The following TMEM38B variants were observed in gnomAD, a reference collection of about 807,000 sequenced individuals.
TMEM38B encodes trimeric intracellular cation channel type B.
A neutral mutation model predicts 28.7 loss-of-function variants in TMEM38B; 24 were observed. The ratio of observed to expected loss-of-function variants is 0.84; its 90% CI spans 0.61 to 1.18. The LOEUF is 1.18. TMEM38B is among the 50% of genes most tolerant of loss of function. The pLI is 0.00. For missense variants in TMEM38B, 380 were observed against 350.9 expected, an observed-to-expected ratio of 1.08 and a Z score of -0.66; for synonymous variants, 131 against 127.7, an observed-to-expected ratio of 1.03 and a Z score of -0.17.
intron 5 of TMEM38B, among the ~76,000 whole-genome samples, chr9:105,766,619 C>A (rs1280021916): frequency 2.0e-5 from 3 of 151,898 alleles, no homozygotes; most frequent in African/African-American, 7.2e-5. Context: ...GTTTACTTTA[C>A]TAGATTTTCC....
intron 5 of TMEM38B, among the ~76,000 whole-genome samples, chr9:105,766,754 ATTATAC>A (rs1461977133): frequency 6.7e-6 from 1 of 150,218 alleles, no homozygotes; most frequent in Non-Finnish European, 1.5e-5. Flanking sequence ...TTTTTTTATT[ATTATAC>A]TTTAAGTTCT....
chr9:105,736,653 T>G (rs1274743842), intron 4 of TMEM38B, among the ~76,000 whole-genome samples: 1 of 152,234 alleles, frequency 6.6e-6, no homozygotes, highest in Non-Finnish European at 1.5e-5. Context: ...TCTTTTGTGG[T>G]GTCACATTTC....
At chr9:105,694,894 A>G in intron 1 of TMEM38B, 122 bp downstream of exon 1, 1 of 792,064 alleles carries the variant, frequency 1.3e-6, no homozygotes, top group Non-Finnish European at 2.0e-6. Flanking sequence ...AGACAGTTCG[A>G]TGGTAGAGTT....
intron 4 of TMEM38B, among the ~76,000 whole-genome samples, chr9:105,747,147 A>G (rs1433719170): frequency 2.0e-5 from 3 of 152,188 alleles, no homozygotes. Flanking sequence ...TTTCAGAAGG[A>G]ATGGTACCAG....
intron 2 of TMEM38B, among the ~76,000 whole-genome samples, chr9:105,708,513 G>A (rs1835764361): frequency 6.6e-6 from 1 of 152,114 alleles, no homozygotes; most frequent in Non-Finnish European, 1.5e-5. Flanking sequence ...ATCTTATTAA[G>A]AACAATATCC....
chr9:105,732,568 C>A (rs995054311), intron 4 of TMEM38B, among the ~76,000 whole-genome samples: 1 of 152,130 alleles, frequency 6.6e-6, no homozygotes, highest in Non-Finnish European at 1.5e-5. Flanking sequence ...AATAGGGAAT[C>A]CTTTCCCCAT....
At chr9:105,769,738 CTG>C (rs1826487004) in intron 5 of TMEM38B, among the ~76,000 whole-genome samples, 1 of 152,022 alleles carries the variant, frequency 6.6e-6, no homozygotes, top group East Asian at 1.9e-4. Flanking sequence ...TTGTCTAGCT[CTG>C]TAAAAAACCA....
chr9:105,773,658 G>T (rs1826631873), intron 5 of TMEM38B, among the ~76,000 whole-genome samples: 1 of 152,074 alleles, frequency 6.6e-6, no homozygotes, highest in African/African-American at 2.4e-5. Context: ...CCAAAATATG[G>T]TACCTTGTAT....
intron 4 of TMEM38B, among the ~76,000 whole-genome samples, chr9:105,723,644 A>G (rs1262699835): frequency 6.6e-6 from 1 of 151,984 alleles, no homozygotes; most frequent in African/African-American, 2.4e-5. Flanking sequence ...CGATCCTTGT[A>G]CTTTGGCCTC....
intron 5 of TMEM38B, among the ~76,000 whole-genome samples, chr9:105,763,747 C>T (rs953750890): frequency 6.6e-6 from 1 of 152,114 alleles, no homozygotes; most frequent in Non-Finnish European, 1.5e-5. Context: ...CAGCATCATC[C>T]TGATACGAAA....
chr9:105,760,741 A>G, intron 5 of TMEM38B: 7 of 1,205,152 alleles, frequency 5.8e-6, no homozygotes, highest in Non-Finnish European at 8.4e-6. Flanking sequence ...AAAGTTTTGT[A>G]GTCTAAGATA....
At chr9:105,754,351 C>T (rs962402816) in intron 5 of TMEM38B, among the ~76,000 whole-genome samples, 1 of 152,160 alleles carries the variant, frequency 6.6e-6, no homozygotes, top group Non-Finnish European at 1.5e-5. Context: ...CATTGCCACA[C>T]AGCACTTAAT....
chr9:105,719,092 T>C (rs1836222730), intron 2 of TMEM38B, among the ~76,000 whole-genome samples: 1 of 152,216 alleles, frequency 6.6e-6, no homozygotes, highest in Non-Finnish European at 1.5e-5. Context: ...GAGTTCTCAA[T>C]GACTAAGCCT....
At chr9:105,761,667 G>T (rs1205246778) in intron 5 of TMEM38B, among the ~76,000 whole-genome samples, 1 of 152,158 alleles carries the variant, frequency 6.6e-6, no homozygotes. Flanking sequence ...GATGGAACAG[G>T]TCTCTAAGCT....
intron 2 of TMEM38B, among the ~76,000 whole-genome samples, chr9:105,712,995 C>A (rs1173223650): frequency 1.3e-5 from 2 of 152,334 alleles, no homozygotes; most frequent in African/African-American, 2.4e-5. Context: ...CTGGAGCCCC[C>A]ACCCTAGGCT....
chr9:105,749,452 A>T lies in TMEM38B; in HGVS notation c.660+1262A>T, dbSNP rs527578271. On this transcript the variant is annotated intron_variant, in intron 5 of 5. Coordinates refer to ENST00000374692, the MANE Select transcript of TMEM38B (RefSeq NM_018112.3). ...CAGATTTCGTGAGACTTACTATCCC[A>T]AGAACAGCACAGGAAAGACCCTCAT... Among the ~76,000 whole-genome samples, 4 of 152,274 alleles carry T rather than the reference A, an allele frequency of 2.6e-5. No homozygotes were observed. The East Asian group carries it at 7.7e-4, about 29-fold the overall frequency.
At chr9:105,751,956 C>T (rs530379695) in intron 5 of TMEM38B, among the ~76,000 whole-genome samples, 87 of 152,144 alleles carry the variant, frequency 5.7e-4, no homozygotes, top group African/African-American at 1.9e-3. Context: ...GAGGAGTGGC[C>T]GCCATTTTTG....
At chr9:105,728,616 A>C (rs934837551) in intron 4 of TMEM38B, among the ~76,000 whole-genome samples, 2 of 152,100 alleles carry the variant, frequency 1.3e-5, no homozygotes, top group African/African-American at 2.4e-5. Flanking sequence ...TAATGGGATG[A>C]CTGGGTCAAA....
intron 5 of TMEM38B, chr9:105,759,684 T>C: frequency 6.3e-7 from 1 of 1,599,824 alleles, no homozygotes; most frequent in Non-Finnish European, 8.5e-7. Context: ...CTAAACTGTT[T>C]TTAGAGTCTA....
Sources: allele counts gnomAD v4.1 joint callset (sites outside exome capture counted in the v4.1 genomes callset), GRCh38; gene constraint gnomAD v4.1.1; transcripts MANE v1.5; gene names NCBI Gene and HGNC (gene_info 2026-07-23, HGNC 2026-07-21).